The following AKAP13 variants were observed in gnomAD, a reference collection of about 807,000 sequenced individuals.
The protein encoded by AKAP13 is A-kinase anchor protein 13.
In AKAP13, 80 loss-of-function variants were observed where a neutral mutation model predicts 264.5. The observed-to-expected ratio is 0.30, with a 90% confidence interval of 0.25 to 0.36. The LOEUF (loss-of-function observed/expected upper bound fraction) is 0.36, where lower values mean the gene tolerates loss of function less well. Among genes scored for constraint, AKAP13 ranks in the 10% least tolerant of loss-of-function variants. The pLI is 1.00. For missense variants in AKAP13, 3,712 were observed against 3,435.2 expected (o/e 1.08, Z -2.01); for synonymous variants, 1,380 against 1,250.2 (o/e 1.10, Z -2.19).
chr15:85,493,788 A>C (rs945934113), intron 2 of AKAP13, among the ~76,000 whole-genome samples: 1 of 152,184 alleles, frequency 6.6e-6, no homozygotes, highest in Non-Finnish European at 1.5e-5. Flanking sequence ...GTCTTGTCCT[A>C]GACGGGGTAA....
At chr15:85,400,051 G>T (rs2071347489) in intron 1 of AKAP13, among the ~76,000 whole-genome samples, 1 of 152,082 alleles carries the variant, frequency 6.6e-6, no homozygotes, top group Non-Finnish European at 1.5e-5. Flanking sequence ...CTCCCACCTG[G>T]GCTTCCCAAA....
chr15:85,628,689 G>A (rs996023189), intron 8 of AKAP13, among the ~76,000 whole-genome samples: 4 of 151,818 alleles, frequency 2.6e-5, no homozygotes, highest in African/African-American at 9.7e-5. Context: ...TTCAGTTACA[G>A]CATTTTGATA....
At position 85,682,149 on chromosome 15, in the gene AKAP13, GT is replaced by G. The variant is rs1452314511; in HGVS notation, c.5102-5del. On this transcript the variant is annotated splice_polypyrimidine_tract_variant and splice_region_variant and intron_variant, in intron 14 of 36. Coordinates refer to ENST00000394518, the MANE Select transcript of AKAP13 (RefSeq NM_007200.5). Reference sequence around the variant, plus strand: ...TTGGTTCTAACTTTTTTTCTGCCTTGTTTTCTAGATTCACGGCCCTTCCACA... The same window carrying G: ...TTGGTTCTAACTTTTTTTCTGCCTTGTTTCTAGATTCACGGCCCTTCCACA... 5 of 1,613,136 alleles carry G rather than the reference GT, an allele frequency of 3.1e-6. No individual in the cohort carries two copies. The highest frequency in any genetic ancestry group is 4.2e-6 in the Non-Finnish European group (5 of 1,179,848).
intron 5 of AKAP13, among the ~76,000 whole-genome samples, chr15:85,568,901 T>C (rs1443443454): frequency 3.3e-5 from 5 of 152,160 alleles, no homozygotes; most frequent in Non-Finnish European, 4.4e-5. Context: ...GTGAAGGCCC[T>C]AGGGTAATTG....
At chr15:85,469,989 C>T (rs952405585) in intron 1 of AKAP13, among the ~76,000 whole-genome samples, 1 of 152,090 alleles carries the variant, frequency 6.6e-6, no homozygotes, top group Non-Finnish European at 1.5e-5. Context: ...TAGGGCAGTA[C>T]TAAAGAAAAC....
At chr15:85,705,927 C>T (rs1039133256) in intron 17 of AKAP13, among the ~76,000 whole-genome samples, 2 of 152,202 alleles carry the variant, frequency 1.3e-5, no homozygotes, top group Non-Finnish European at 2.9e-5. Flanking sequence ...TACATAAATA[C>T]TACCATACAG....
In AKAP13 at chr15:85,581,068, A is replaced by G. The variant is rs762774780; in HGVS notation, c.3000A>G (p.Glu1000=). ...FLKAETEHNK[E]VAPQVSLLTQ... ...AGGCAGAAACTGAACATAACAAGGA[A>G]GTGGCCCCACAAGTCTCACTGCTGA... The change falls in exon 7 of 37, where the codon GAA becomes GAG. Residue 1000 remains glutamate, a synonymous_variant. Transcript: ENST00000394518. 1.2e-6 allele frequency: 2 copies of G among 1,614,078 alleles called. No individual in the cohort carries two copies. The highest frequency in any genetic ancestry group is 1.7e-6 in the Non-Finnish European group (2 of 1,179,972).
chr15:85,480,934 AGCCT>A (rs1348050291), intron 1 of AKAP13: 1 of 152,220 alleles, frequency 6.6e-6, no homozygotes, highest in Non-Finnish European at 1.5e-5. Context: ...TGAAGTGATC[AGCCT>A]GCCTTGACCT....
At chr15:85,722,426 A>G (rs1255155698) in intron 25 of AKAP13, 79 bp downstream of exon 25, 3 of 1,200,974 alleles carry the variant, frequency 2.5e-6, no homozygotes, top group Non-Finnish European at 3.5e-6. Flanking sequence ...AGCCCCATGG[A>G]AGTGCTATTT....
intron 1 of AKAP13, among the ~76,000 whole-genome samples, chr15:85,447,401 T>C (rs59098178): frequency 0.044 from 6,710 of 152,272 alleles, 477 homozygotes; most frequent in African/African-American, 0.15. Context: ...GGTTTGGGGA[T>C]ACATGTTAAG....
At chr15:85,593,648 A>G (rs1026149414) in intron 8 of AKAP13, among the ~76,000 whole-genome samples, 1 of 151,950 alleles carries the variant, frequency 6.6e-6, no homozygotes, top group South Asian at 2.1e-4. Flanking sequence ...TTATATTAGA[A>G]TCTGCTTTTT....
chr15:85,571,303 G>A (rs2078811174), intron 5 of AKAP13, among the ~76,000 whole-genome samples: 1 of 151,768 alleles, frequency 6.6e-6, no homozygotes, highest in Non-Finnish European at 1.5e-5. Flanking sequence ...TATTTCACAG[G>A]ACTTTGTAGA....
intron 5 of AKAP13, among the ~76,000 whole-genome samples, chr15:85,546,172 T>TA (rs1474348762): frequency 1.3e-5 from 2 of 152,128 alleles, no homozygotes; most frequent in Non-Finnish European, 2.9e-5. Flanking sequence ...TCAAAATTGC[T>TA]AAAAAAGAAT....
intron 1 of AKAP13, among the ~76,000 whole-genome samples, chr15:85,479,695 C>T (rs779664637): frequency 1.3e-5 from 2 of 152,116 alleles, no homozygotes; most frequent in Admixed American, 6.5e-5. Flanking sequence ...ATGCTGAGAT[C>T]ACCAAGTTAA....
At position 85,409,968 on chromosome 15, in the gene AKAP13, T is replaced by C. The variant is rs1596077995; in HGVS notation, c.-12+29170T>C. On this transcript the variant is annotated intron_variant, in intron 1 of 36. Coordinates refer to ENST00000394518, the MANE Select transcript of AKAP13 (RefSeq NM_007200.5). Reference sequence around the variant, plus strand: ...TAGTTTTTTAATGAACCTTAAATTATAAGGGAGGTTGTTGCTTTTATAGTA... The same window carrying C: ...TAGTTTTTTAATGAACCTTAAATTACAAGGGAGGTTGTTGCTTTTATAGTA... Among the ~76,000 whole-genome samples, 4 of 151,816 alleles carry C rather than the reference T, an allele frequency of 2.6e-5. No individual in the cohort carries two copies. In the South Asian group the frequency reaches 6.2e-4, roughly 24 times the overall value.
chr15:85,580,732 G>A lies in AKAP13; in HGVS notation c.2664G>A (p.Gly888=). 1 of 1,614,140 alleles carries A rather than the reference G, an allele frequency of 6.2e-7. No homozygotes were observed. Among genetic ancestry groups the A allele is most frequent in the Non-Finnish European group, 8.5e-7 (1 of 1,180,034 alleles). ...TCCCAGAAGCTCTGAATATCAAGGG[G>A]AACACTGACTCTTCCCTGCAAAGTG... ...PAIPEALNIK[G]NTDSSLQSVG... Residue 888 remains glycine (G), a synonymous_variant, in exon 7 of 37, where the codon GGG becomes GGA. Coordinates refer to ENST00000394518, the MANE Select transcript of AKAP13 (RefSeq NM_007200.5).
chr15:85,585,868 C>A, intron 8 of AKAP13, 45 bp downstream of exon 8: 1 of 1,603,410 alleles, frequency 6.2e-7, no homozygotes. Context: ...ATGTGTTTAT[C>A]CTGTTCTGCT....
intron 1 of AKAP13, among the ~76,000 whole-genome samples, chr15:85,466,463 C>A (rs2074745102): frequency 6.6e-6 from 1 of 152,114 alleles, no homozygotes; most frequent in Admixed American, 6.5e-5. Context: ...CCTAGGTTTT[C>A]TTCTAGGGTT....
chr15:85,583,013 CG>C, intron 7 of AKAP13: 1 of 985,388 alleles, frequency 1.0e-6, no homozygotes, highest in Non-Finnish European at 1.2e-6. Flanking sequence ...AACTTCTTAA[CG>C]GGGGTTGAGG....
Sources: allele counts gnomAD v4.1 joint callset (sites outside exome capture counted in the v4.1 genomes callset), GRCh38; gene constraint gnomAD v4.1.1; transcripts MANE v1.5; gene names NCBI Gene and HGNC (gene_info 2026-07-23, HGNC 2026-07-21).